The following COL4A4 variants were observed in gnomAD, a reference collection of about 807,000 sequenced individuals.
The protein encoded by COL4A4 is collagen type IV alpha 4 chain.
COL4A4 carries 105 observed loss-of-function variants against 192.9 expected under a neutral mutation model. The observed-to-expected ratio is 0.54, with a 90% CI of 0.46 to 0.64. The LOEUF (loss-of-function observed/expected upper bound fraction) is 0.64, where lower values mean the gene tolerates loss of function less well. COL4A4 is among the 30% of genes least tolerant of loss of function. The pLI is 0.00. For synonymous variants in COL4A4, 762 were observed against 769.9 expected (o/e 0.99, Z 0.17); for missense variants, 1,967 against 2,169.3 (o/e 0.91, Z 1.85).
intron 8 of COL4A4, 119 bp from the exon 9 acceptor site, chr2:227,111,832 T>A (rs2061228253): frequency 9.1e-7 from 1 of 1,095,630 alleles, no homozygotes; most frequent in Non-Finnish European, 1.4e-6. Context: ...TTGTTCAATT[T>A]TTTTGGTGTT....
At chr2:227,063,468 C>G (rs1330089775) in intron 25 of COL4A4, among the ~76,000 whole-genome samples, 1 of 152,074 alleles carries the variant, frequency 6.6e-6, no homozygotes, top group Non-Finnish European at 1.5e-5. Context: ...TACCAAGATA[C>G]TTGCTTGCCT....
At chr2:227,049,590 T>C (rs2150167486) in intron 34 of COL4A4, among the ~76,000 whole-genome samples, 1 of 152,400 alleles carries the variant, frequency 6.6e-6, no homozygotes, top group East Asian at 1.9e-4. Context: ...ACATCTATCT[T>C]GGGACTTCTT....
chr2:227,037,569 C>T (rs10202683), intron 37 of COL4A4, among the ~76,000 whole-genome samples: 70,899 of 151,992 alleles, frequency 0.47, 16,763 homozygotes, highest in South Asian at 0.56. Flanking sequence ...GTCTTTATAG[C>T]AGAATGATTT....
chr2:227,072,922 A>C (rs1385150260), intron 25 of COL4A4, among the ~76,000 whole-genome samples: 1 of 152,144 alleles, frequency 6.6e-6, no homozygotes, highest in Non-Finnish European at 1.5e-5. Flanking sequence ...ATGTATGACA[A>C]ACCCACAGAT....
At chr2:227,152,056 C>T (rs2063985544) in intron 1 of COL4A4, among the ~76,000 whole-genome samples, 7 of 152,184 alleles carry the variant, frequency 4.6e-5, no homozygotes, top group Admixed American at 4.6e-4. Flanking sequence ...AGTCCTCCCT[C>T]CATTATGATG....
Position 227,107,282 on chromosome 2 carries a change from G to C in COL4A4, c.735+1299C>G, listed in dbSNP as rs144506311. 3.5e-4 allele frequency among the ~76,000 whole-genome samples: 54 copies of C among 152,300 alleles called. No homozygotes were observed. In the East Asian group the frequency reaches 0.01, roughly 29 times the overall value. ...ACAATTGGAGGGACGGGATGCTACT[G>C]ACATCTAGTGGGGAGAGGCCAGGGA... On this transcript the variant is annotated intron_variant, in intron 12 of 47. Coordinates refer to ENST00000396625, the MANE Select transcript of COL4A4 (RefSeq NM_000092.5).
chr2:227,126,537 A>G (rs1248974159), intron 4 of COL4A4, among the ~76,000 whole-genome samples: 1 of 152,122 alleles, frequency 6.6e-6, no homozygotes, highest in Admixed American at 6.5e-5. Context: ...GGCAAACACT[A>G]CCCCTACTTT....
intron 25 of COL4A4, among the ~76,000 whole-genome samples, chr2:227,063,801 ATAAT>A (rs1977740071): frequency 6.6e-6 from 1 of 151,880 alleles, no homozygotes; most frequent in South Asian, 2.1e-4. Flanking sequence ...GACTATAAAA[ATAAT>A]TCTATACTTT....
At chr2:227,046,058 AAC>A (rs1972760184) in intron 35 of COL4A4, among the ~76,000 whole-genome samples, 1 of 139,344 alleles carries the variant, frequency 7.2e-6, no homozygotes, top group Admixed American at 7.4e-5. Flanking sequence ...ATACTATCTA[AAC>A]ATATATACAT....
intron 1 of COL4A4, among the ~76,000 whole-genome samples, chr2:227,160,069 G>C (rs1230871106): frequency 6.6e-6 from 1 of 152,206 alleles, no homozygotes; most frequent in Non-Finnish European, 1.5e-5. Flanking sequence ...GTCCCTGTGG[G>C]CAGAGGCAAT....
At chr2:227,016,903 G>A (rs573710322) in intron 44 of COL4A4, among the ~76,000 whole-genome samples, 1 of 152,288 alleles carries the variant, frequency 6.6e-6, no homozygotes, top group Non-Finnish European at 1.5e-5. Flanking sequence ...CCCCATCTGG[G>A]TGAGAGGAGC....
the COL4A4 span, chr2:226,988,667 T>G: frequency 1.0e-6 from 1 of 984,512 alleles, no homozygotes; most frequent in Non-Finnish European, 1.2e-6. Flanking sequence ...GATTTTAATA[T>G]TCCGAAGGGT....
rs11408248 is a variant in COL4A4, at chr2:227,109,590, T to TA, written c.595-305dup. 0.15 allele frequency: 67,304 copies of TA among 462,314 alleles called. 8,531 individuals are homozygous for TA. The highest frequency in any genetic ancestry group is 0.45 in the African/African-American group (22,485 of 49,936). 28.6% of individuals were successfully genotyped at this position (462,314 alleles called of 1,614,324 possible). On this transcript the variant is annotated intron_variant, in intron 9 of 47. Coordinates refer to ENST00000396625, the MANE Select transcript of COL4A4 (RefSeq NM_000092.5). Reference sequence around the variant, plus strand: ...GGTGAAACCCCGTCTCTACTAAAAATACAAAAATTAGATGGGCGTGGTGGC... The same window carrying TA: ...GGTGAAACCCCGTCTCTACTAAAAATAACAAAAATTAGATGGGCGTGGTGGC...
chr2:227,119,743 TGTG>T (rs1330194407), intron 6 of COL4A4, 149 bp downstream of exon 6: 2 of 301,784 alleles, frequency 6.6e-6, no homozygotes, highest in Non-Finnish European at 1.2e-5. Context: ...TTACGTTGCT[TGTG>T]GTATATATAG....
intron 33 of COL4A4, among the ~76,000 whole-genome samples, chr2:227,050,750 G>A (rs756652450): frequency 4.6e-5 from 7 of 152,198 alleles, no homozygotes; most frequent in Non-Finnish European, 7.3e-5. Flanking sequence ...GGGAGATAGC[G>A]ATTATATGAC....
intron 44 of COL4A4, among the ~76,000 whole-genome samples, chr2:227,017,578 T>C (rs1193395413): frequency 6.6e-6 from 1 of 152,172 alleles, no homozygotes; most frequent in Non-Finnish European, 1.5e-5. Context: ...AGCTTCAGCC[T>C]TTGAGGGCCG....
chr2:227,067,573 C>T (rs2058426327), intron 25 of COL4A4, among the ~76,000 whole-genome samples: 1 of 152,086 alleles, frequency 6.6e-6, no homozygotes, highest in East Asian at 1.9e-4. Context: ...TCACTCAAAA[C>T]CACTCAACTA....
In COL4A4 at chr2:227,042,156, C is replaced by T; in HGVS notation, c.3497G>A (p.Gly1166Glu). ...QGDPGIPGPP[G>E]IKGPSGSPGL... ...GCTTCATTTTGACTTACCTTTTATT[C>T]CCGGAGGACCTGGTATCCCTGGATC... Residue 1166 changes from glycine to glutamate, a missense_variant, in exon 37 of 48, where the codon GGA becomes GAA. Physicochemically the swap from Gly to Glu is moderately conservative, Grantham distance 98 (BLOSUM62 -2). Transcript: ENST00000396625. 1 of 1,600,792 alleles carries T rather than the reference C, an allele frequency of 6.2e-7. No homozygotes were observed. The highest frequency in any genetic ancestry group is 8.6e-7 in the Non-Finnish European group (1 of 1,167,878).
rs765681982 is a variant in COL4A4 at position 227,055,798 on chromosome 2, G to A, written c.2716+147C>T. The A allele has an allele frequency of 7.6e-5, 55 of 725,202 alleles. No homozygotes were observed. In the Middle Eastern group the frequency reaches 7.9e-4, roughly 10 times the overall value. The allele number at this position is 725,202 out of a possible 1,614,324, so 44.9% of individuals were successfully genotyped here. On this transcript the variant is annotated intron_variant, in intron 30 of 47. Transcript: ENST00000396625. ...CGCCACTGGAAATAACGATACAGAGGACAAGAGCAAGGGAGGCATCATTAA... is the reference window on the plus strand; with the variant it reads ...CGCCACTGGAAATAACGATACAGAGAACAAGAGCAAGGGAGGCATCATTAA...
Sources: allele counts gnomAD v4.1 joint callset (sites outside exome capture counted in the v4.1 genomes callset), GRCh38; gene constraint gnomAD v4.1.1; transcripts MANE v1.5; gene names NCBI Gene and HGNC (gene_info 2026-07-23, HGNC 2026-07-21).